SEZ6L2: variants seen among roughly 807,000 people sequenced by gnomAD.
SEZ6L2 encodes seizure 6-like protein 2.
SEZ6L2 carries 44 observed loss-of-function variants against 97.0 expected under a neutral mutation model. The observed-to-expected ratio is 0.45, with a 90% CI of 0.36 to 0.58. The LOEUF (loss-of-function observed/expected upper bound fraction) is 0.58. Ranked by LOEUF, SEZ6L2 falls within the 20% of genes least tolerant of loss-of-function variation. SEZ6L2 has a pLI of 0.00. For missense variants in SEZ6L2, 1,086 were observed against 1,233.3 expected (o/e 0.88, Z 1.79); for synonymous variants, 543 against 546.1 (o/e 0.99, Z 0.08).
Position 29,888,540 on chromosome 16 carries a change from C to A in SEZ6L2, c.1039G>T (p.Ala347Ser). The A allele has an allele frequency of 6.2e-7, 1 of 1,613,154 alleles. No homozygotes were observed. Residue 347 changes from alanine to serine, a missense_variant and splice_region_variant, in exon 6 of 18, where the codon GCA becomes TCA. Ala to Ser is a moderately conservative substitution (Grantham distance 99, BLOSUM62 1). Coordinates refer to ENST00000617533, the MANE Select transcript of SEZ6L2 (RefSeq NM_001243332.2). ...SWNGETPSCM[A>S]SCGGTIHNAT... is the part of the protein sequence containing the mutation. ...CCACCCACTGTGGCAGGAGACTCAC[C>A]CATGCAGCTGGGGGTTTCACCGTTC...
Position 29,876,826 on chromosome 16 carries a change from C to T in SEZ6L2, c.2034G>A (p.Leu678=), listed in dbSNP as rs750091130. 6.2e-7 allele frequency: 1 copy of T among 1,609,410 alleles called. No individual in the cohort carries two copies. The highest frequency in any genetic ancestry group is 1.7e-5 in the Admixed American group (1 of 59,422). The part of the protein sequence containing the change: ...LTYQCEPGYE[L]LGSDILTCQW... ...GGCAAGTGAGAATGTCGGAGCCTAGCAGCTCGTAGCCAGGCTCGCACTGGT... is the reference window on the plus strand; with the variant it reads ...GGCAAGTGAGAATGTCGGAGCCTAGTAGCTCGTAGCCAGGCTCGCACTGGT... The change falls in exon 12 of 18, where the codon CTG becomes CTA. Residue 678 remains leucine, a synonymous_variant. Transcript: ENST00000617533. This position sits in a 1 kb window ranked among gnomAD's most constrained non-coding sequence, Gnocchi z 6.5.
In SEZ6L2 at chr16:29,873,820, A is replaced by T. The variant is rs1009339789; in HGVS notation, c.2105-91T>A. On this transcript the variant is annotated intron_variant, in intron 12 of 17. Coordinates refer to ENST00000617533, the MANE Select transcript of SEZ6L2 (RefSeq NM_001243332.2). The surrounding 1 kb of genome is among the most constrained non-coding windows in gnomAD (Gnocchi z 4.3). Reference sequence around the variant, plus strand: ...GAGACCCCATCTCTACAAAAAATTGAAAAATTAGCCAGGAGTGGTGGCGCA... The same window carrying T: ...GAGACCCCATCTCTACAAAAAATTGTAAAATTAGCCAGGAGTGGTGGCGCA... 4 of 1,238,160 alleles carry T rather than the reference A, an allele frequency of 3.2e-6. No individual in the cohort carries two copies. The highest frequency in any genetic ancestry group is 4.4e-6 in the Non-Finnish European group (4 of 911,184). The allele number at this position is 1,238,160 out of a possible 1,614,324, so 76.7% of individuals were successfully genotyped here. A position where few individuals can be genotyped will look rare whatever the true frequency, so the allele number is the denominator to read the frequency against.
intron 4 of SEZ6L2, 36 bp from the exon 5 acceptor site, chr16:29,895,496 C>T (rs761985835): frequency 5.0e-6 from 8 of 1,606,056 alleles, no homozygotes; most frequent in Non-Finnish European, 6.0e-6. Flanking sequence ...CAGGGCAAGT[C>T]AGCCAGGTGT....
intron 5 of SEZ6L2, among the ~76,000 whole-genome samples, chr16:29,892,300 AT>A (rs923991412): frequency 6.6e-6 from 1 of 152,238 alleles, no homozygotes; most frequent in African/African-American, 2.4e-5. Context: ...AGACTGAGCA[AT>A]GAAGGCCAAT....
At position 29,873,479 on chromosome 16, in the gene SEZ6L2, G is replaced by A. The variant is rs764087011; in HGVS notation, c.2297-48C>T. 6.2e-7 allele frequency: 1 copy of A among 1,614,010 alleles called. No individual in the cohort carries two copies. Among genetic ancestry groups the A allele is most frequent in the Admixed American group, 1.7e-5 (1 of 60,002 alleles). On this transcript the variant is annotated intron_variant, in intron 13 of 17. Transcript: ENST00000617533. This position sits in a 1 kb window ranked among gnomAD's most constrained non-coding sequence, Gnocchi z 4.3. ...GTGCCAGCTGCACTACTGTGCACGG[G>A]GCAGACGGGCTCTCCCAGGGCTACC...
chr16:29,882,010 GC>G (rs2068042295), intron 8 of SEZ6L2, among the ~76,000 whole-genome samples: 1 of 146,862 alleles, frequency 6.8e-6, no homozygotes. Context: ...TCGCTCTGTC[GC>G]CCAGGCTGGA....
At chr16:29,896,246 G>A (rs2068386141) in intron 3 of SEZ6L2, among the ~76,000 whole-genome samples, 1 of 152,024 alleles carries the variant, frequency 6.6e-6, no homozygotes, top group Non-Finnish European at 1.5e-5. Context: ...TTACAGCTGT[G>A]CGCTGCTGTG....
At chr16:29,878,460 G>A in intron 9 of SEZ6L2, 35 bp from the exon 10 acceptor site, 1 of 1,557,496 alleles carries the variant, frequency 6.4e-7, no homozygotes, top group Non-Finnish European at 8.7e-7. Flanking sequence ...CAGGACCCAG[G>A]TGGGCATGCT....
chr16:29,884,839 G>T (rs1015486230), intron 8 of SEZ6L2, among the ~76,000 whole-genome samples: 2 of 151,708 alleles, frequency 1.3e-5, no homozygotes, highest in Non-Finnish European at 2.9e-5. Context: ...CTTGAACCCG[G>T]GAGGCAGAGG....
chr16:29,873,755 G>A lies in SEZ6L2; in HGVS notation c.2105-26C>T. The A allele has an allele frequency of 6.5e-7, 1 of 1,537,550 alleles. No homozygotes were observed. The highest frequency in any genetic ancestry group is 1.4e-5 in the African/African-American group (1 of 73,490). On this transcript the variant is annotated intron_variant, in intron 12 of 17. Coordinates refer to ENST00000617533, the MANE Select transcript of SEZ6L2 (RefSeq NM_001243332.2). The surrounding 1 kb of genome is among the most constrained non-coding windows in gnomAD (Gnocchi z 4.3). ...CTGGTGGCAGAAGAACAAGGTCAGGGGGAGCGAGGGCCTTCAAAGATCAGC... is the reference window on the plus strand; with the variant it reads ...CTGGTGGCAGAAGAACAAGGTCAGGAGGAGCGAGGGCCTTCAAAGATCAGC...
chr16:29,874,470 G>A (rs1290674670), intron 12 of SEZ6L2, among the ~76,000 whole-genome samples: 4 of 142,412 alleles, frequency 2.8e-5, no homozygotes, highest in Admixed American at 7.4e-5. Flanking sequence ...CATAATCATA[G>A]CCATTTCTTG....
chr16:29,891,655 G>A (rs1278738222), intron 5 of SEZ6L2, among the ~76,000 whole-genome samples: 1 of 151,902 alleles, frequency 6.6e-6, no homozygotes, highest in Non-Finnish European at 1.5e-5. Context: ...AAAAAAAAGG[G>A]CTAGCCTGGC....
chr16:29,879,874 C>G lies in SEZ6L2; in HGVS notation c.1563G>C (p.Pro521=), dbSNP rs777130508. 6.3e-7 allele frequency: 1 copy of G among 1,599,704 alleles called. No homozygotes were observed. The highest frequency in any genetic ancestry group is 2.2e-5 in the East Asian group (1 of 44,562). The change falls in exon 9 of 18, where the codon CCG becomes CCC. Residue 521 remains proline (P), a synonymous_variant. Coordinates refer to ENST00000617533, the MANE Select transcript of SEZ6L2 (RefSeq NM_001243332.2). ...PTEPHWNDTE[P]ACKAMCGGEL... is the part of the protein sequence containing the mutation. ...ACAAGGAAGGCTCACCTTTGCAGGCCGGCTCTGTGTCGTTCCAGTGGGGTT... is the reference window on the plus strand; with the variant it reads ...ACAAGGAAGGCTCACCTTTGCAGGCGGGCTCTGTGTCGTTCCAGTGGGGTT...
Position 29,887,761 on chromosome 16 carries a change from G to C in SEZ6L2, c.1096C>G (p.Pro366Ala). ...ATLGRIVSPEPGGAVGPNLTC... is the reference protein window; with the variant it reads ...ATLGRIVSPEAGGAVGPNLTC... ...AGGTTGGGCCCTACGGCTCCCCCAGGCTCTGGGGACACGATGCGGCCCAGG... is the reference window on the plus strand; with the variant it reads ...AGGTTGGGCCCTACGGCTCCCCCAGCCTCTGGGGACACGATGCGGCCCAGG... Residue 366 changes from proline (P) to alanine (A), a missense_variant, in exon 7 of 18, where the codon CCT becomes GCT. Physicochemically the swap from Pro to Ala is conservative, Grantham distance 27. This residue lies in a region of SEZ6L2 where 776 missense variants were observed against 794.7 expected (regional missense o/e 0.98). Coordinates refer to ENST00000617533, the MANE Select transcript of SEZ6L2 (RefSeq NM_001243332.2). 6.2e-7 allele frequency: 1 copy of C among 1,613,874 alleles called. No individual in the cohort carries two copies. The highest frequency in any genetic ancestry group is 8.5e-7 in the Non-Finnish European group (1 of 1,179,936).
Position 29,897,049 on chromosome 16 carries a change from GC to G in SEZ6L2, c.283del (p.Ala95ProfsTer9). ...QTLAVPSLPRATEPGTGPLTT... is the reference protein window; with the variant it reads ...QTLAVPSLPRXTEPGTGPLTT... ...CAGAGGCCCTGTCCCCGGCTCAGTGGCCCGTGGCAGGGAGGGCACTGCGAGA... is the reference window on the plus strand; with the variant it reads ...CAGAGGCCCTGTCCCCGGCTCAGTGGCCGTGGCAGGGAGGGCACTGCGAGA... On this transcript the variant is annotated frameshift_variant, in exon 3 of 18. Coordinates refer to ENST00000617533, the MANE Select transcript of SEZ6L2 (RefSeq NM_001243332.2). LOFTEE classifies it high-confidence loss of function. The G allele has an allele frequency of 1.3e-6, 2 of 1,581,222 alleles. No individual in the cohort carries two copies. The highest frequency in any genetic ancestry group is 8.5e-7 in the Non-Finnish European group (1 of 1,170,808).
intron 8 of SEZ6L2, among the ~76,000 whole-genome samples, chr16:29,884,507 G>C (rs1384854966): frequency 1.3e-5 from 2 of 151,778 alleles, no homozygotes; most frequent in African/African-American, 4.8e-5. Context: ...AATGAGAATC[G>C]CTTGAACCTG....
At chr16:29,880,303 C>T (rs1353062489) in intron 8 of SEZ6L2, among the ~76,000 whole-genome samples, 1 of 151,506 alleles carries the variant, frequency 6.6e-6, no homozygotes, top group African/African-American at 2.4e-5. Flanking sequence ...GCTGGGATTG[C>T]AGGCGTGCAC....
chr16:29,872,762 GA>G lies in SEZ6L2; in HGVS notation c.2489-20del. Reference sequence around the variant, plus strand: ...TAGGCAACTGCAGGGAGAGGAGGGGGAGGGGATGGGGTCTGAGCCAGGGAGG... The same window carrying G: ...TAGGCAACTGCAGGGAGAGGAGGGGGGGGGATGGGGTCTGAGCCAGGGAGG... On this transcript the variant is annotated intron_variant, in intron 14 of 17. Coordinates refer to ENST00000617533, the MANE Select transcript of SEZ6L2 (RefSeq NM_001243332.2). 1 of 1,604,158 alleles carries G rather than the reference GA, an allele frequency of 6.2e-7. No homozygotes were observed. The highest frequency in any genetic ancestry group is 8.5e-7 in the Non-Finnish European group (1 of 1,173,958).
chr16:29,898,525 G>A (rs762289836), intron 1 of SEZ6L2, among the ~76,000 whole-genome samples: 6 of 152,070 alleles, frequency 3.9e-5, no homozygotes, highest in Non-Finnish European at 7.4e-5. Flanking sequence ...CAGAGTGGGG[G>A]ACTGAAAATC....
Sources: gnomAD v4.1 joint callset for allele counts (sites outside exome capture counted in the v4.1 genomes callset) on GRCh38, gnomAD v4.1.1 for gene constraint, gnomAD v4.1.1 regional missense constraint, Gnocchi (gnomAD v3.1) non-coding constraint, MANE v1.5 for transcripts, NCBI Gene and HGNC (gene_info 2026-07-23, HGNC 2026-07-21) for gene names.